The following MMP16 variants were observed in gnomAD, a reference collection of about 807,000 sequenced individuals.
MMP16 encodes the protein matrix metalloproteinase-16.
Under a neutral mutation model 67.8 loss-of-function variants are expected in MMP16, and 12 were observed. The ratio of observed to expected loss-of-function variants is 0.18; its 90% CI spans 0.11 to 0.29. The LOEUF (loss-of-function observed/expected upper bound fraction) is 0.29. MMP16 is among the 10% of genes least tolerant of loss of function. MMP16 has a pLI of 1.00. For synonymous variants in MMP16, 249 were observed against 255.9 expected, an observed-to-expected ratio of 0.97 and a Z score of 0.26; for missense variants, 475 against 765.7, an observed-to-expected ratio of 0.62 and a Z score of 4.48.
chr8:88,303,754 C>T (rs748368044), intron 1 of MMP16, among the ~76,000 whole-genome samples: 2 of 152,192 alleles, frequency 1.3e-5, no homozygotes, highest in African/African-American at 2.4e-5. Flanking sequence ...TAAAAACAAA[C>T]AGAAAACAAC....
chr8:88,250,641 C>G (rs1279154224), intron 1 of MMP16, among the ~76,000 whole-genome samples: 1 of 151,946 alleles, frequency 6.6e-6, no homozygotes, highest in Non-Finnish European at 1.5e-5. Flanking sequence ...GGGCTGAAAA[C>G]ATTTCATCTC....
chr8:88,104,494 A>C (rs549060906), intron 6 of MMP16, among the ~76,000 whole-genome samples: 46 of 151,830 alleles, frequency 3.0e-4, no homozygotes, highest in South Asian at 1.4e-3. Context: ...TGTAGCCATC[A>C]TAACGTCATA....
intron 1 of MMP16, among the ~76,000 whole-genome samples, chr8:88,277,584 T>A (rs1009811005): frequency 2.0e-5 from 3 of 152,206 alleles, no homozygotes; most frequent in Non-Finnish European, 4.4e-5. Flanking sequence ...AACTAATGTT[T>A]ACCCAGACTT....
chr8:88,129,200 G>T (rs1807986654), intron 4 of MMP16, among the ~76,000 whole-genome samples: 1 of 151,736 alleles, frequency 6.6e-6, no homozygotes, highest in African/African-American at 2.4e-5. Context: ...TTTTCTGCAA[G>T]TAGGAGATTA....
At chr8:88,224,999 T>C (rs935778241) in intron 1 of MMP16, among the ~76,000 whole-genome samples, 1 of 151,976 alleles carries the variant, frequency 6.6e-6, no homozygotes, top group African/African-American at 2.4e-5. Flanking sequence ...TGCTGTTCCC[T>C]GAGTGAGGTG....
intron 1 of MMP16, among the ~76,000 whole-genome samples, chr8:88,221,203 C>T (rs1209705396): frequency 2.0e-5 from 3 of 152,064 alleles, no homozygotes; most frequent in African/African-American, 4.8e-5. Flanking sequence ...TTCTCACCTG[C>T]GTCCTAGACA....
chr8:88,243,204 A>T (rs938046709), intron 1 of MMP16, among the ~76,000 whole-genome samples: 7 of 152,338 alleles, frequency 4.6e-5, no homozygotes, highest in African/African-American at 1.7e-4. Flanking sequence ...GGATAGAAAG[A>T]TAAATACAAT....
chr8:88,255,525 C>G (rs1159857305), intron 1 of MMP16, among the ~76,000 whole-genome samples: 2 of 152,102 alleles, frequency 1.3e-5, no homozygotes, highest in Non-Finnish European at 2.9e-5. Flanking sequence ...GTTGAGAAAA[C>G]AGAGCTTCTT....
chr8:88,214,492 G>GT lies in MMP16; in HGVS notation c.133-17187dup, dbSNP rs765421262. Among the ~76,000 whole-genome samples, 8 of 151,558 alleles carry GT rather than the reference G, an allele frequency of 5.3e-5. No homozygotes were observed. In the East Asian group the frequency reaches 1.4e-3, roughly 26 times the overall value. On this transcript the variant is annotated intron_variant, in intron 1 of 9. Transcript: ENST00000286614. The stretch of plus-strand genomic sequence containing the variant: ...CTCAGCTGAATACCTCAACCTTTTA[G>GT]TTTTTTTTCATTATATTTTAATGAA...
rs1254818234 is a variant in MMP16 at position 88,033,385 on chromosome 8, T to C, written c.*8076A>G. 1 of 151,124 alleles carries C rather than the reference T, an allele frequency of 6.6e-6. No homozygotes were observed. The highest frequency in any genetic ancestry group is 1.5e-5 in the Non-Finnish European group (1 of 67,728). 9.4% of individuals were successfully genotyped at this position (151,124 alleles called of 1,614,324 possible). On this transcript the variant is annotated 3_prime_UTR_variant, in exon 10 of 10. Transcript: ENST00000286614. ...TGGATGTCATAAATCTGCATTATCA[T>C]ACTGATCCACCGCTGGAATCAAGAT...
chr8:88,049,661 T>C (rs1285589835), intron 8 of MMP16, among the ~76,000 whole-genome samples: 1 of 152,196 alleles, frequency 6.6e-6, no homozygotes, highest in Admixed American at 6.5e-5. Context: ...ATGACATATT[T>C]TAACAATACA....
rs1462140522 is a variant in MMP16 at position 88,321,560 on chromosome 8, T to A, written c.132+5515A>T. On this transcript the variant is annotated intron_variant, in intron 1 of 9. Coordinates refer to ENST00000286614, the MANE Select transcript of MMP16 (RefSeq NM_005941.5). ...CTACGATGATTTCCAAAATGGAACATCCTTTGGAACTACAGATGATAACAC... is the reference window on the plus strand; with the variant it reads ...CTACGATGATTTCCAAAATGGAACAACCTTTGGAACTACAGATGATAACAC... Among the ~76,000 whole-genome samples, 4 of 152,196 alleles carry A rather than the reference T, an allele frequency of 2.6e-5. 1 individual carries two copies. Among genetic ancestry groups the A allele is most frequent in the Non-Finnish European group, 5.9e-5 (4 of 68,036 alleles).
intron 1 of MMP16, among the ~76,000 whole-genome samples, chr8:88,323,655 A>C (rs80145369): frequency 0.011 from 1,715 of 152,216 alleles, 35 homozygotes; most frequent in African/African-American, 0.039. Flanking sequence ...TATTGTTTAG[A>C]AATTGATAAG....
At chr8:88,184,746 C>CA (rs61606557) in intron 3 of MMP16, among the ~76,000 whole-genome samples, 11 of 47,478 alleles carry the variant, frequency 2.3e-4, no homozygotes, top group African/African-American at 6.7e-4. Context: ...GGCCCTGTCT[C>CA]AAAAAAAAAA....
chr8:88,312,080 C>A (rs1171409307), intron 1 of MMP16, among the ~76,000 whole-genome samples: 1 of 152,122 alleles, frequency 6.6e-6, no homozygotes, highest in Admixed American at 6.6e-5. Context: ...AGAGGAAACA[C>A]TGAGACAGGG....
chr8:88,159,902 G>A (rs1367874480), intron 4 of MMP16, among the ~76,000 whole-genome samples: 2 of 151,358 alleles, frequency 1.3e-5, no homozygotes, highest in African/African-American at 2.4e-5. Context: ...TGCGGTTTTC[G>A]TCGTTGGTTC....
chr8:88,120,497 C>A (rs1027591617), intron 4 of MMP16, among the ~76,000 whole-genome samples: 1 of 151,884 alleles, frequency 6.6e-6, no homozygotes, highest in Non-Finnish European at 1.5e-5. Context: ...AGCTTCGGAG[C>A]ATGCCCACAC....
chr8:88,127,797 T>C (rs553672830), intron 4 of MMP16, among the ~76,000 whole-genome samples: 1 of 152,030 alleles, frequency 6.6e-6, no homozygotes, highest in African/African-American at 2.4e-5. Context: ...GTACAAAAGT[T>C]TATAAAATGT....
intron 1 of MMP16, among the ~76,000 whole-genome samples, chr8:88,199,346 G>T (rs1809304889): frequency 1.3e-5 from 2 of 151,980 alleles, no homozygotes; most frequent in Admixed American, 6.6e-5. Flanking sequence ...AATGAATTGA[G>T]ATTTTTCTTC....
Sources: allele counts gnomAD v4.1 joint callset (sites outside exome capture counted in the v4.1 genomes callset), GRCh38; gene constraint gnomAD v4.1.1; transcripts MANE v1.5; gene names NCBI Gene and HGNC (gene_info 2026-07-23, HGNC 2026-07-21).